The following FAM161B variants were observed in gnomAD, a reference collection of about 807,000 sequenced individuals.
FAM161B encodes the protein FAM161 centrosomal protein B, also known as protein FAM161B.
A neutral mutation model predicts 61.5 loss-of-function variants in FAM161B; 46 were observed. The observed-to-expected ratio is 0.75, with a 90% confidence interval of 0.59 to 0.96. FAM161B has a LOEUF of 0.96. Among genes scored for constraint, FAM161B ranks in the 40% least tolerant of loss-of-function variants. The probability of loss-of-function intolerance (pLI) is 0.00; values close to 1 mark genes in which losing one functional copy is unlikely to be tolerated. For synonymous variants in FAM161B, 284 were observed against 302.7 expected, an observed-to-expected ratio of 0.94 and a Z score of 0.64; for missense variants, 774 against 800.7, an observed-to-expected ratio of 0.97 and a Z score of 0.40.
Position 73,934,345 on chromosome 14 carries a change from C to A in FAM161B, c.1855G>T (p.Glu619Ter), listed in dbSNP as rs1329619734. The A allele has an allele frequency of 1.9e-6, 3 of 1,614,128 alleles. No individual in the cohort carries two copies. The South Asian group carries it at 3.3e-5, about 18-fold the overall frequency. The change falls in exon 9 of 9, where the codon GAA becomes TAA. Residue 619 changes from glutamate (E) to a stop codon, truncating the protein, a stop_gained. Transcript: ENST00000286544. LOFTEE classifies it low-confidence loss of function (END_TRUNC). ...LSIRDPEQGLEGSLEQPASPR... is the reference protein window; with the variant it reads ...LSIRDPEQGL ...CTTGCAGGCTGTTCTAGAGATCCTT[C>A]TAAACCCTGCTCTGGATCTCTGATG...
intron 5 of FAM161B, among the ~76,000 whole-genome samples, chr14:73,939,135 A>G (rs1415707248): frequency 6.6e-6 from 1 of 152,054 alleles, no homozygotes; most frequent in African/African-American, 2.4e-5. Context: ...TGTCTCTACC[A>G]AAACTACAAA....
In FAM161B at chr14:73,944,542, G is replaced by A. The variant is rs544707570; in HGVS notation, c.718C>T (p.Arg240Ter). The change falls in exon 3 of 9, where the codon CGA becomes TGA. Residue 240 changes from arginine (R) to a stop codon, truncating the protein, a stop_gained. Transcript: ENST00000286544. LOFTEE classifies it high-confidence loss of function. ...CTCTTCTGGATCCCTGCCTGCCTTC[G>A]GGCCTCGCTGCGCTCCATGATCTCT... ...YQEIMERSEA[R>*]RQAGIQKRKE... The A allele has an allele frequency of 2.7e-5, 44 of 1,614,098 alleles. No homozygotes were observed. Among genetic ancestry groups the A allele is most frequent in the African/African-American group, 5.3e-5 (4 of 75,018 alleles).
downstream of FAM161B, chr14:73,927,850 A>ATTTTTTTTTTTTTTTTTTTTTTTTTT (rs769693607): frequency 1.5e-5 from 2 of 135,246 alleles, no homozygotes; most frequent in Admixed American, 7.3e-5. Context: ...TTTTTTTTTA[A>ATTTTTTTTTTTTTTTTTTTTTTTTTT]TTTTTTAGAC....
At chr14:73,937,823 T>C (rs983821994) in intron 6 of FAM161B, 122 bp from the exon 7 acceptor site, 11 of 1,548,232 alleles carry the variant, frequency 7.1e-6, no homozygotes, top group Non-Finnish European at 9.7e-6. Flanking sequence ...TGGAAAATCA[T>C]GACCCTGCTG....
downstream of FAM161B, chr14:73,932,049 A>C: frequency 2.2e-6 from 1 of 456,248 alleles, no homozygotes; most frequent in Non-Finnish European, 4.4e-6. Flanking sequence ...CCTGAGTAAG[A>C]GACTCTCTGC....
chr14:73,923,468 G>A, the FAM161B span: 11 of 1,614,058 alleles, frequency 6.8e-6, no homozygotes, highest in South Asian at 1.1e-4. Flanking sequence ...TGACCATGCA[G>A]TCAGGGAGGC....
chr14:73,946,746 C>G (rs1334968651), intron 1 of FAM161B, 141 bp from the exon 2 acceptor site: 1 of 790,460 alleles, frequency 1.3e-6, no homozygotes, highest in Non-Finnish European at 2.0e-6. Context: ...CTGGCTCACA[C>G]CTGTAATCCC....
At chr14:73,927,141 A>G, downstream of FAM161B, 1 of 213,042 alleles carries the variant, frequency 4.7e-6, no homozygotes, top group Admixed American at 5.2e-5. Context: ...GCTGGAGTGC[A>G]GTGGCACCAT....
Position 73,944,572 on chromosome 14 carries a change from A to G in FAM161B, c.688T>C (p.Tyr230His). 1 of 1,613,958 alleles carries G rather than the reference A, an allele frequency of 6.2e-7. No individual in the cohort carries two copies. The change falls in exon 3 of 9, where the codon TAC becomes CAC. Residue 230 changes from tyrosine (Y) to histidine (H), a missense_variant. Physicochemically the swap from Tyr to His is moderately conservative, Grantham distance 83. Transcript: ENST00000286544. ...TCGCTGCGCTCCATGATCTCTTGGT[A>G]GAGGGGCAGGTAGACATGTGCAGGC... The part of the protein sequence containing the change: ...PVPAHVYLPL[Y>H]QEIMERSEAR...
the FAM161B span, among the ~76,000 whole-genome samples, chr14:73,925,433 C>CTT: frequency 2.8e-5 from 4 of 144,426 alleles, no homozygotes; most frequent in African/African-American, 2.5e-5. Flanking sequence ...CTAACTTTGA[C>CTT]TTTTTTTTTT....
the FAM161B span, among the ~76,000 whole-genome samples, chr14:73,925,255 T>C: frequency 6.6e-6 from 1 of 152,218 alleles, no homozygotes; most frequent in Non-Finnish European, 1.5e-5. Context: ...ATCATACATA[T>C]CTCACTTACG....
At position 73,944,676 on chromosome 14, in the gene FAM161B, A is replaced by G. The variant is rs967694004; in HGVS notation, c.584T>C (p.Phe195Ser). ...CTGGGCCCGCTGCCTCTCCTGCTCA[A>G]AGGAGGCAGGTGAGCCCAGCCACTC... Reference protein sequence around the residue: ...KAEWLGSPASFEQERQRAQRQ... With the variant: ...KAEWLGSPASSEQERQRAQRQ... The change falls in exon 3 of 9, where the codon TTT becomes TCT. Residue 195 changes from phenylalanine to serine, a missense_variant. Phe to Ser is a radical substitution (Grantham distance 155). Coordinates refer to ENST00000286544, the MANE Select transcript of FAM161B (RefSeq NM_152445.3). 14 of 1,611,730 alleles carry G rather than the reference A, an allele frequency of 8.7e-6. No homozygotes were observed. Among genetic ancestry groups the G allele is most frequent in the Non-Finnish European group, 9.3e-6 (11 of 1,178,248 alleles).
chr14:73,925,327 A>C, the FAM161B span, among the ~76,000 whole-genome samples: 3 of 151,916 alleles, frequency 2.0e-5, no homozygotes, highest in Admixed American at 6.6e-5. Context: ...AGCTTTTATT[A>C]TGGAAATTTT....
intron 8 of FAM161B, among the ~76,000 whole-genome samples, chr14:73,935,171 T>C (rs2140341378): frequency 6.6e-6 from 1 of 152,144 alleles, no homozygotes; most frequent in South Asian, 2.1e-4. Context: ...GGATTTAAGA[T>C]ACAAAACAAT....
chr14:73,940,778 A>C, intron 5 of FAM161B, 148 bp downstream of exon 5: 81 of 1,103,908 alleles, frequency 7.3e-5, no homozygotes, highest in Middle Eastern at 3.3e-4. Context: ...AGGTGTGGAG[A>C]ACCGCAATTG....
At chr14:73,945,590 G>A (rs1594778723) in intron 2 of FAM161B, among the ~76,000 whole-genome samples, 1 of 151,954 alleles carries the variant, frequency 6.6e-6, no homozygotes, top group African/African-American at 2.4e-5. Flanking sequence ...CACCATGCCC[G>A]GCTAATTTTT....
chr14:73,946,699 T>C, intron 1 of FAM161B, 94 bp from the exon 2 acceptor site: 1 of 1,333,400 alleles, frequency 7.5e-7, no homozygotes, highest in Non-Finnish European at 1.0e-6. Context: ...CTTCTGTATA[T>C]TAGGGACTGG....
rs1284584273 is a variant in FAM161B, at chr14:73,949,984, C to T, written c.43G>A (p.Gly15Arg). The T allele has an allele frequency of 3.7e-6, 6 of 1,613,422 alleles. No homozygotes were observed. The highest frequency in any genetic ancestry group is 2.2e-5 in the East Asian group (1 of 44,886). The change falls in exon 1 of 9, where the codon GGG (glycine) becomes AGG (arginine). Residue 15 changes from glycine (G) to arginine (R), a missense_variant. Transcript: ENST00000286544. ...TTTTCTCTCCTCACCTGACGGCTCC[C>T]CTCCGCGCCTCCGGGGGCTCCCTCA... ...RPEGAPGGAE[G>R]SRQIFPPESF...
chr14:73,940,786 T>C (rs1399140807), intron 5 of FAM161B, 140 bp downstream of exon 5: 13 of 1,219,102 alleles, frequency 1.1e-5, no homozygotes, highest in Non-Finnish European at 1.4e-5. Context: ...AGAACCGCAA[T>C]TGTTCCAGTC....
Sources: gnomAD v4.1 joint callset for allele counts (sites outside exome capture counted in the v4.1 genomes callset) on GRCh38, gnomAD v4.1.1 for gene constraint, MANE v1.5 for transcripts, NCBI Gene and HGNC (gene_info 2026-07-23, HGNC 2026-07-21) for gene names.